Variants in APOB observed in about 807,000 individuals in gnomAD.
APOB encodes the protein apolipoprotein B-100.
Under a neutral mutation model 314.1 loss-of-function variants are expected in APOB, and 153 were observed. That is an observed-to-expected ratio of 0.49 (90% CI 0.43 to 0.56). The LOEUF (loss-of-function observed/expected upper bound fraction) is 0.56, where lower values mean the gene tolerates loss of function less well. APOB is among the 20% of genes least tolerant of loss of function. The pLI, the probability that APOB is intolerant of heterozygous loss-of-function variation, is 0.00. For synonymous variants in APOB, 2,087 were observed against 2,036.4 expected (o/e 1.02, Z -0.67); for missense variants, 5,430 against 5,350.7 (o/e 1.01, Z -0.46).
intron 27 of APOB, 30 bp downstream of exon 27, chr2:21,004,531 T>C: frequency 6.2e-7 from 1 of 1,612,182 alleles, no homozygotes; most frequent in Non-Finnish European, 8.5e-7. Context: ...TCAAAAGGTA[T>C]AAGGTTTCAA....
chr2:21,042,799 G>C (rs771903446), intron 2 of APOB, among the ~76,000 whole-genome samples: 77 of 151,740 alleles, frequency 5.1e-4, no homozygotes, highest in Non-Finnish European at 8.5e-4. Flanking sequence ...ACAACATTAC[G>C]CAAATAGTAC....
At chr2:21,014,319 A>G in intron 24 of APOB, 129 bp downstream of exon 24, 1 of 1,078,330 alleles carries the variant, frequency 9.3e-7, no homozygotes, top group South Asian at 1.5e-5. Flanking sequence ...TTTGTGCTAT[A>G]GTTATTAATC....
At position 21,043,891 on chromosome 2, in the gene APOB, G is replaced by GCAGCAA; in HGVS notation, c.54_55insTTGCTG (p.Leu21_Leu22dup). The GCAGCAA allele has an allele frequency of 6.8e-7, 1 of 1,467,538 alleles. No homozygotes were observed. The highest frequency in any genetic ancestry group is 2.4e-5 in the Admixed American group (1 of 42,450). 90.9% of individuals were successfully genotyped at this position (1,467,538 alleles called of 1,614,324 possible). On this transcript the variant is annotated inframe_insertion, in exon 1 of 29. Coordinates refer to ENST00000233242, the MANE Select transcript of APOB (RefSeq NM_000384.3). The stretch of plus-strand genomic sequence containing the variant: ...GCCCTGGCGCCCGCCAGCAGCAGCA[G>GCAGCAA]CAGCAGCGCAGGCAGCGCCAGCAGC...
intron 1 of APOB, 101 bp from the exon 2 acceptor site, chr2:21,043,652 G>A: frequency 6.5e-7 from 1 of 1,528,210 alleles, no homozygotes; most frequent in East Asian, 2.4e-5. Context: ...CCTTTCAGGA[G>A]GGAGGCAGGC....
chr2:21,007,231 TTC>T lies in APOB; in HGVS notation c.9635_9636del (p.Arg3212LysfsTer12). The T allele has an allele frequency of 6.2e-7, 1 of 1,613,464 alleles. No homozygotes were observed. Among genetic ancestry groups the T allele is most frequent in the Non-Finnish European group, 8.5e-7 (1 of 1,179,656 alleles). On this transcript the variant is annotated frameshift_variant, in exon 26 of 29. Transcript: ENST00000233242. LOFTEE classifies it high-confidence loss of function. ...TTGGTGACAAAATCTAATGCATTGTTTCTGTTTTTTTCAAAATGCCTGTCAAA... is the reference window on the plus strand; with the variant it reads ...TTGGTGACAAAATCTAATGCATTGTTTGTTTTTTTCAAAATGCCTGTCAAA... ...KSFDRHFEKN[R>X]NNALDFVTKS...
intron 2 of APOB, among the ~76,000 whole-genome samples, chr2:21,042,726 C>T (rs1228816875): frequency 6.6e-6 from 1 of 151,922 alleles, no homozygotes; most frequent in East Asian, 1.9e-4. Context: ...AAGGGAGTGA[C>T]AAGTGTCAAG....
In APOB at chr2:21,033,353, C is replaced by T. The variant is rs1169511118; in HGVS notation, c.1070G>A (p.Gly357Asp). Residue 357 changes from glycine (G) to aspartate (D), a missense_variant, in exon 9 of 29, where the codon GGC (glycine) becomes GAC (aspartate). Physicochemically the swap from Gly to Asp is moderately conservative, Grantham distance 94 (BLOSUM62 -1). Coordinates refer to ENST00000233242, the MANE Select transcript of APOB (RefSeq NM_000384.3). ...AGATGTGACTGCTTCATCACTGAGGCCTCTCAGCTCAGTAACCAGCTTATT... is the reference window on the plus strand; with the variant it reads ...AGATGTGACTGCTTCATCACTGAGGTCTCTCAGCTCAGTAACCAGCTTATT... ...LFNKLVTELR[G>D]LSDEAVTSLL... 1 of 1,614,026 alleles carries T rather than the reference C, an allele frequency of 6.2e-7. No individual in the cohort carries two copies. Among genetic ancestry groups the T allele is most frequent in the African/African-American group, 1.3e-5 (1 of 74,902 alleles).
rs1663117926 is a variant in APOB, at chr2:21,005,815, A to G, written c.11053T>C (p.Trp3685Arg). The change falls in exon 26 of 29, where the codon TGG becomes CGG. Residue 3685 changes from tryptophan (W) to arginine (R), a missense_variant. Physicochemically the swap from Trp to Arg is moderately radical, Grantham distance 101. Transcript: ENST00000233242. ...GTTACATCCAGCTTTAGGAAATCCC[A>G]TAAGCTCTTGTCATAGACTGGTAGG... ...IILPVYDKSL[W>R]DFLKLDVTTS... 1 of 1,614,084 alleles carries G rather than the reference A, an allele frequency of 6.2e-7. No homozygotes were observed. Among genetic ancestry groups the G allele is most frequent in the Non-Finnish European group, 8.5e-7 (1 of 1,179,960 alleles).
intron 24 of APOB, 91 bp downstream of exon 24, chr2:21,014,357 T>G (rs1229313249): frequency 3.3e-6 from 5 of 1,494,926 alleles, no homozygotes; most frequent in Non-Finnish European, 4.6e-6. Context: ...TTATTTCCTT[T>G]AAAAATTTAA....
At position 21,009,036 on chromosome 2, in the gene APOB, G is replaced by A. The variant is rs138790085; in HGVS notation, c.7832C>T (p.Thr2611Ile). ...GACTATAAAATCAGGTGTCTGGAAG[G>A]TAGCTTTCTGAAGAGCCTGAAGACT... ...EVSLQALQKA[T>I]FQTPDFIVPL... Residue 2611 changes from threonine to isoleucine, a missense_variant, in exon 26 of 29, where the codon ACC (threonine) becomes ATC (isoleucine). Around this residue, in one of 3 missense-constraint regions of APOB, gnomAD observed 3,281 missense variants for 3,171.0 expected, o/e 1.03. Coordinates refer to ENST00000233242, the MANE Select transcript of APOB (RefSeq NM_000384.3). The A allele has an allele frequency of 6.2e-7, 1 of 1,614,078 alleles. No homozygotes were observed. Among genetic ancestry groups the A allele is most frequent in the Non-Finnish European group, 8.5e-7 (1 of 1,179,950 alleles).
Position 21,037,531 on chromosome 2 carries a change from A to G in APOB, c.538-276T>C, listed in dbSNP as rs1664035598. On this transcript the variant is annotated intron_variant, in intron 5 of 28. Transcript: ENST00000233242. ...TGGTGTCGTAGAGAAATTAGAACAC[A>G]CAAAAGTGCTCATGGGACTGAGGTG... 4.6e-5 allele frequency among the ~76,000 whole-genome samples: 7 copies of G among 152,336 alleles called. No homozygotes were observed. The South Asian group carries it at 1.5e-3, about 32-fold the overall frequency.
chr2:21,003,633 T>TG (rs1265931435), intron 28 of APOB, among the ~76,000 whole-genome samples: 1 of 150,858 alleles, frequency 6.6e-6, no homozygotes, highest in Non-Finnish European at 1.5e-5. Context: ...GGAAGAGGAG[T>TG]GGGGGGAAGA....
rs12714239 is a variant in APOB at position 21,038,371 on chromosome 2, C to T, written c.384-260G>A. On this transcript the variant is annotated intron_variant, in intron 4 of 28. Transcript: ENST00000233242. ...TCTTTTTTTGAAATGGAGTCTCGCT[C>T]GGTCGCCCGGGCTGGAGTGCAATGG... Among the ~76,000 whole-genome samples the T allele has an allele frequency of 6.2e-3, 941 of 151,002 alleles. 8 individuals are homozygous for T. Among genetic ancestry groups the T allele is most frequent in the African/African-American group, 0.022 (893 of 41,022 alleles).
chr2:21,023,133 G>T, intron 17 of APOB, 91 bp from the exon 18 acceptor site: 2 of 1,133,500 alleles, frequency 1.8e-6, no homozygotes, highest in Non-Finnish European at 2.7e-6. Context: ...TCCGGGCAAA[G>T]ATTTCCTGGA....
chr2:21,004,044 T>C (rs1373874215), intron 28 of APOB, among the ~76,000 whole-genome samples: 2 of 152,180 alleles, frequency 1.3e-5, no homozygotes, highest in African/African-American at 4.8e-5. Context: ...CCAGAATTAA[T>C]AAATAATAGT....
Position 21,008,567 on chromosome 2 carries a change from A to G in APOB, c.8301T>C (p.Pro2767=), listed in dbSNP as rs774150215. 8.7e-6 allele frequency: 14 copies of G among 1,614,108 alleles called. No homozygotes were observed. The Admixed American group carries it at 1.8e-4, about 21-fold the overall frequency. ...CAGCATTTGCATCTAATGTGAAAAG[A>G]GGAGATTGGATTTTCAGAATACTGT... The part of the protein sequence containing the change: ...KLYSILKIQS[P]LFTLDANADI... Residue 2767 remains proline, a synonymous_variant, in exon 26 of 29, where the codon CCT becomes CCC. Coordinates refer to ENST00000233242, the MANE Select transcript of APOB (RefSeq NM_000384.3).
intron 15 of APOB, among the ~76,000 whole-genome samples, chr2:21,025,527 C>T (rs1303033098): frequency 6.6e-6 from 1 of 152,088 alleles, no homozygotes; most frequent in African/African-American, 2.4e-5. Flanking sequence ...TATATAAATT[C>T]ACCAGAAGTT....
rs1663040671 is a variant in APOB, at chr2:21,003,208, C to A, written c.12214G>T (p.Asp4072Tyr). 1 of 1,613,916 alleles carries A rather than the reference C, an allele frequency of 6.2e-7. No individual in the cohort carries two copies. The highest frequency in any genetic ancestry group is 1.7e-5 in the Admixed American group (1 of 59,988). ...AASGLLTSLK[D>Y]NVPKATGVLY... The stretch of plus-strand genomic sequence containing the variant: ...ACCCCTGTGGCCTTGGGCACGTTGT[C>A]TTTCAGAGAGGTTAGCAAGCCAGAA... Residue 4072 changes from aspartate (D) to tyrosine (Y), a missense_variant, in exon 29 of 29, where the codon GAC (aspartate) becomes TAC (tyrosine). Physicochemically the swap from Asp to Tyr is radical, Grantham distance 160. Transcript: ENST00000233242.
chr2:21,011,483 A>T lies in APOB; in HGVS notation c.5385T>A (p.Thr1795=). The T allele has an allele frequency of 6.2e-7, 1 of 1,614,204 alleles. No individual in the cohort carries two copies. Among genetic ancestry groups the T allele is most frequent in the African/African-American group, 1.3e-5 (1 of 75,072 alleles). Residue 1795 remains threonine (T), a synonymous_variant, in exon 26 of 29, where the codon ACT becomes ACA. Coordinates refer to ENST00000233242, the MANE Select transcript of APOB (RefSeq NM_000384.3). ...NLQLQPYSLV[T]TLNSDLKYNA... ...TGTATTTCAGGTCACTGTTTAAAGTAGTTACCAGAGAATAGGGCTGTAGCT... is the reference window on the plus strand; with the variant it reads ...TGTATTTCAGGTCACTGTTTAAAGTTGTTACCAGAGAATAGGGCTGTAGCT...
Sources: gnomAD v4.1 joint callset for allele counts (sites outside exome capture counted in the v4.1 genomes callset) on GRCh38, gnomAD v4.1.1 for gene constraint, gnomAD v4.1.1 regional missense constraint, MANE v1.5 for transcripts, NCBI Gene and HGNC (gene_info 2026-07-23, HGNC 2026-07-21) for gene names.